Variants in OSBPL10 observed in about 807,000 individuals in gnomAD.
OSBPL10 encodes oxysterol binding protein like 10, also known as oxysterol-binding protein-related protein 10.
A neutral mutation model predicts 81.7 loss-of-function variants in OSBPL10; 49 were observed. That is an observed-to-expected ratio of 0.60 (90% CI 0.48 to 0.76). The LOEUF is 0.76. Among genes scored for constraint, OSBPL10 ranks in the 30% least tolerant of loss-of-function variants. The pLI is 0.00. For missense variants in OSBPL10, 923 were observed against 987.8 expected (o/e 0.93, Z 0.88); for synonymous variants, 419 against 383.6 (o/e 1.09, Z -1.08).
intron 3 of OSBPL10, among the ~76,000 whole-genome samples, chr3:31,855,116 C>T (rs755923042): frequency 1.3e-5 from 2 of 152,222 alleles, no homozygotes; most frequent in Non-Finnish European, 2.9e-5. Context: ...ACCTCCAACT[C>T]TCGGACTCAA....
At position 32,041,657 on chromosome 3, in the gene OSBPL10, CTTTCTTTCT is replaced by C. The variant is rs1699577400; in HGVS notation, n.298+4825_298+4833del. ...TCTTTCTCTTTCTTTCTTTTTCTTT[CTTTCTTTCT>C]TTTTTCTTTTTTTGACAGAGTCTTG... is the stretch of plus-strand genomic sequence containing the variant. On this transcript the variant is annotated intron_variant and non_coding_transcript_variant, in intron 2 of 3. Transcript: ENST00000479173. 2.7e-5 allele frequency among the ~76,000 whole-genome samples: 4 copies of C among 149,078 alleles called. No individual in the cohort carries two copies. The South Asian group carries it at 8.6e-4, about 32-fold the overall frequency.
At chr3:31,766,461 G>C (rs143518273) in intron 4 of OSBPL10, among the ~76,000 whole-genome samples, 103 of 151,660 alleles carry the variant, frequency 6.8e-4, no homozygotes, top group African/African-American at 2.3e-3. Flanking sequence ...TCTGAGCTCA[G>C]CTTCCCAAGT....
chr3:31,968,153 C>G (rs980890080), intron 1 of OSBPL10, among the ~76,000 whole-genome samples: 1 of 152,058 alleles, frequency 6.6e-6, no homozygotes, highest in African/African-American at 2.4e-5. Flanking sequence ...CCCCTTTACC[C>G]TTAAATACTT....
At chr3:31,794,162 G>T (rs1334971396) in intron 4 of OSBPL10, among the ~76,000 whole-genome samples, 3 of 152,186 alleles carry the variant, frequency 2.0e-5, no homozygotes, top group Admixed American at 6.5e-5. Flanking sequence ...TGTTTGTTTT[G>T]AGACAGAGTC....
intron 1 of OSBPL10, among the ~76,000 whole-genome samples, chr3:32,069,338 A>G (rs913401005): frequency 9.9e-5 from 15 of 152,272 alleles, no homozygotes; most frequent in Admixed American, 2.0e-4. Context: ...CCAGGAAGGC[A>G]TTAGAGCAGT....
chr3:32,069,335 G>A (rs977933059), intron 1 of OSBPL10, among the ~76,000 whole-genome samples: 1 of 152,106 alleles, frequency 6.6e-6, no homozygotes, highest in African/African-American at 2.4e-5. Flanking sequence ...CCTCCAGGAA[G>A]GCATTAGAGC....
upstream of OSBPL10, among the ~76,000 whole-genome samples, chr3:31,984,103 C>T (rs62244399): frequency 0.091 from 13,878 of 151,952 alleles, 1,115 homozygotes; most frequent in East Asian, 0.47. Context: ...AGTGGCACGA[C>T]CTCAGCTCAC....
intron 2 of OSBPL10, among the ~76,000 whole-genome samples, chr3:32,043,100 A>G (rs1340890926): frequency 6.6e-6 from 1 of 152,090 alleles, no homozygotes; most frequent in Non-Finnish European, 1.5e-5. Flanking sequence ...ACCAGGGCAC[A>G]TTTCAGCCCT....
intron 4 of OSBPL10, among the ~76,000 whole-genome samples, chr3:31,801,779 C>T (rs1699386695): frequency 6.6e-6 from 1 of 152,062 alleles, no homozygotes; most frequent in South Asian, 2.1e-4. Context: ...GTCAGACTAT[C>T]ACCTCTCTGC....
chr3:31,805,877 G>A (rs1329414941), intron 4 of OSBPL10, among the ~76,000 whole-genome samples: 1 of 152,126 alleles, frequency 6.6e-6, no homozygotes, highest in African/African-American at 2.4e-5. Flanking sequence ...ATGGTAGCAG[G>A]GTTTAATAGT....
At chr3:31,939,335 G>C (rs974417005) in intron 1 of OSBPL10, among the ~76,000 whole-genome samples, 1 of 151,556 alleles carries the variant, frequency 6.6e-6, no homozygotes, top group African/African-American at 2.4e-5. Flanking sequence ...AGTAGAGACA[G>C]GGTTTCACTA....
chr3:31,683,358 T>G (rs1418877148), intron 8 of OSBPL10, among the ~76,000 whole-genome samples: 1 of 152,166 alleles, frequency 6.6e-6, no homozygotes, highest in Non-Finnish European at 1.5e-5. Flanking sequence ...CTGTAAGGTG[T>G]GCACGCACGC....
At chr3:31,942,954 C>A (rs577819964) in intron 1 of OSBPL10, among the ~76,000 whole-genome samples, 6 of 152,296 alleles carry the variant, frequency 3.9e-5, no homozygotes, top group African/African-American at 1.4e-4. Flanking sequence ...TATTTCCAAA[C>A]CTTTTTCATC....
chr3:31,848,253 T>C (rs1187659344), intron 3 of OSBPL10, among the ~76,000 whole-genome samples: 1 of 151,874 alleles, frequency 6.6e-6, no homozygotes, highest in South Asian at 2.1e-4. Context: ...CTGCCTTCCT[T>C]GACTCAGGCA....
intron 2 of OSBPL10, among the ~76,000 whole-genome samples, chr3:32,010,305 TGA>T (rs1476215171): frequency 1.3e-5 from 2 of 152,294 alleles, no homozygotes; most frequent in Admixed American, 1.3e-4. Context: ...TCTAGAACTA[TGA>T]GAAAATAAAT....
chr3:31,905,712 G>T (rs1046831500), intron 1 of OSBPL10, among the ~76,000 whole-genome samples: 37 of 151,642 alleles, frequency 2.4e-4, no homozygotes, highest in Non-Finnish European at 4.4e-5. Flanking sequence ...GGAGGACAAA[G>T]ATTAATAAAC....
At chr3:31,720,881 C>CAAAAAAAAAAAAAA (rs61492992) in intron 6 of OSBPL10, among the ~76,000 whole-genome samples, 173 of 66,310 alleles carry the variant, frequency 2.6e-3, no homozygotes, top group Non-Finnish European at 4.3e-3. Context: ...GACTCTGTCT[C>CAAAAAAAAAAAAAA]AAAAAAAAAA....
At chr3:31,961,978 G>A (rs1413099642) in intron 1 of OSBPL10, among the ~76,000 whole-genome samples, 17 of 144,104 alleles carry the variant, frequency 1.2e-4, no homozygotes, top group African/African-American at 2.3e-4. Flanking sequence ...TTTTTGAGAC[G>A]GAGTCTCGCT....
chr3:31,762,629 C>CTTTTTTTTTTTTTTTTTTTT (rs1491572896), intron 4 of OSBPL10, among the ~76,000 whole-genome samples: 1 of 17,234 alleles, frequency 5.8e-5, no homozygotes, highest in Admixed American at 7.8e-4. Flanking sequence ...CCATGCCCAG[C>CTTTTTTTTTTTTTTTTTTTT]ATTTTTTTTT....
Sources: allele counts gnomAD v4.1 joint callset (sites outside exome capture counted in the v4.1 genomes callset), GRCh38; gene constraint gnomAD v4.1.1; transcripts MANE v1.5; gene names NCBI Gene and HGNC (gene_info 2026-07-23, HGNC 2026-07-21).